Variants in WDR7 observed in about 807,000 individuals in gnomAD.
WDR7 encodes the protein WD repeat domain 7.
Under a neutral mutation model 169.4 loss-of-function variants are expected in WDR7, and 46 were observed. The ratio of observed to expected loss-of-function variants is 0.27; its 90% CI spans 0.21 to 0.35. The LOEUF is 0.35. Ranked by LOEUF, WDR7 falls within the 10% of genes least tolerant of loss-of-function variation. The pLI is 1.00. For synonymous variants in WDR7, 612 were observed against 666.8 expected, an observed-to-expected ratio of 0.92 and a Z score of 1.27; for missense variants, 1,534 against 1,859.3, an observed-to-expected ratio of 0.83 and a Z score of 3.22.
At chr18:57,024,879 GGC>G (rs2048343428) in intron 27 of WDR7, among the ~76,000 whole-genome samples, 5 of 104,120 alleles carry the variant, frequency 4.8e-5, no homozygotes, top group Non-Finnish European at 7.7e-5. Flanking sequence ...CCTATTCTCA[GGC>G]AGGAATAGGG....
chr18:56,744,759 G>A (rs1402513193), intron 14 of WDR7, among the ~76,000 whole-genome samples: 3 of 152,276 alleles, frequency 2.0e-5, no homozygotes, highest in Admixed American at 2.0e-4. Context: ...TTGCGTGGGA[G>A]GTTTCAAAGG....
chr18:56,979,738 G>A (rs897228323), intron 26 of WDR7, among the ~76,000 whole-genome samples: 1 of 151,868 alleles, frequency 6.6e-6, no homozygotes, highest in Non-Finnish European at 1.5e-5. Context: ...ACACACTATT[G>A]AAGTAATATA....
At chr18:56,907,409 C>T (rs140970084) in intron 21 of WDR7, among the ~76,000 whole-genome samples, 299 of 152,154 alleles carry the variant, frequency 2.0e-3, no homozygotes, top group African/African-American at 6.8e-3. Flanking sequence ...GAGGGAATGC[C>T]GGTTTTTGAG....
At chr18:56,750,139 A>G (rs2043767933) in intron 14 of WDR7, among the ~76,000 whole-genome samples, 1 of 151,950 alleles carries the variant, frequency 6.6e-6, no homozygotes. Flanking sequence ...TTTACCTGCT[A>G]CTCTTAACCT....
At chr18:56,660,580 G>T (rs1203046143) in intron 1 of WDR7, among the ~76,000 whole-genome samples, 1 of 151,882 alleles carries the variant, frequency 6.6e-6, no homozygotes, top group Non-Finnish European at 1.5e-5. Context: ...GAGGCTTGAT[G>T]AGATCATTGA....
intron 1 of WDR7, among the ~76,000 whole-genome samples, chr18:56,669,911 T>C (rs1298302610): frequency 4.6e-5 from 7 of 152,194 alleles, no homozygotes; most frequent in Non-Finnish European, 7.3e-5. Context: ...TATTAACTAA[T>C]ACATAGACTG....
chr18:56,926,971 T>C (rs148256641), intron 22 of WDR7, among the ~76,000 whole-genome samples: 516 of 152,338 alleles, frequency 3.4e-3, no homozygotes, highest in South Asian at 0.024. Flanking sequence ...CCTGATTTAC[T>C]GTGTACACAG....
At chr18:56,997,508 A>G (rs1252821078) in intron 26 of WDR7, among the ~76,000 whole-genome samples, 1 of 152,244 alleles carries the variant, frequency 6.6e-6, no homozygotes, top group African/African-American at 2.4e-5. Flanking sequence ...ATGCTGAATT[A>G]TCCAAAGGGT....
intron 16 of WDR7, among the ~76,000 whole-genome samples, chr18:56,763,935 G>A (rs2044021758): frequency 6.6e-6 from 1 of 151,968 alleles, no homozygotes; most frequent in African/African-American, 2.4e-5. Flanking sequence ...CATAATTTAT[G>A]TTTTTTCCCT....
chr18:56,726,533 C>G (rs1375211356), intron 13 of WDR7, among the ~76,000 whole-genome samples: 6 of 152,158 alleles, frequency 3.9e-5, no homozygotes, highest in Admixed American at 3.9e-4. Context: ...AGTTGCTTAT[C>G]AGCTTAAGGA....
At chr18:56,820,122 A>G (rs2145231504) in intron 20 of WDR7, among the ~76,000 whole-genome samples, 1 of 151,966 alleles carries the variant, frequency 6.6e-6, no homozygotes. Context: ...GTGAAGTGAT[A>G]CACCCTCTAA....
At chr18:56,998,894 C>A (rs536505691) in intron 26 of WDR7, among the ~76,000 whole-genome samples, 4 of 152,042 alleles carry the variant, frequency 2.6e-5, no homozygotes, top group South Asian at 2.1e-4. Context: ...AAATGGCAGG[C>A]CTTATTCTTG....
At chr18:56,800,947 G>C (rs1262245927) in intron 19 of WDR7, among the ~76,000 whole-genome samples, 2 of 152,030 alleles carry the variant, frequency 1.3e-5, no homozygotes, top group Admixed American at 1.3e-4. Context: ...ACTGCTTCTG[G>C]GTCCTGTGAG....
chr18:56,882,325 G>C (rs969824082), intron 21 of WDR7, among the ~76,000 whole-genome samples: 4 of 152,198 alleles, frequency 2.6e-5, no homozygotes, highest in African/African-American at 9.7e-5. Flanking sequence ...ATGATTTGGT[G>C]TGGTGGCTTT....
chr18:56,807,163 A>AT lies in WDR7; in HGVS notation c.3191-8868_3191-8867insT, dbSNP rs1195568617. ...GATCCTAGCCAAAAAAAAAAAAAAA[A>AT]AAAATTCATGAAGGATTTCAAAGGT... On this transcript the variant is annotated intron_variant, in intron 19 of 27. Coordinates refer to ENST00000254442, the MANE Select transcript of WDR7 (RefSeq NM_015285.3). 1.7e-3 allele frequency among the ~76,000 whole-genome samples: 252 copies of AT among 152,122 alleles called. 3 individuals carry two copies. Among genetic ancestry groups the AT allele is most frequent in the Admixed American group, 3.1e-3 (48 of 15,248 alleles).
At chr18:56,928,347 C>T (rs915431541) in intron 22 of WDR7, among the ~76,000 whole-genome samples, 3 of 152,066 alleles carry the variant, frequency 2.0e-5, no homozygotes, top group Non-Finnish European at 4.4e-5. Flanking sequence ...TACCTGTAGT[C>T]CCAGCTACCA....
At position 57,000,384 on chromosome 18, in the gene WDR7, G is replaced by A. The variant is rs568428506; in HGVS notation, c.4165-20361G>A. 8.5e-4 allele frequency among the ~76,000 whole-genome samples: 129 copies of A among 152,164 alleles called. 1 individual carries two copies. Among genetic ancestry groups the A allele is most frequent in the South Asian group, 7.5e-3 (36 of 4,820 alleles). ...AATAAAAAAGGTGTCAATTAAGCAC[G>A]ATATAAAAATATTGATTTTTTTCTG... On this transcript the variant is annotated intron_variant, in intron 26 of 27. Transcript: ENST00000254442.
At chr18:56,872,476 A>G (rs1175865652) in intron 20 of WDR7, among the ~76,000 whole-genome samples, 2 of 152,150 alleles carry the variant, frequency 1.3e-5, no homozygotes, top group Non-Finnish European at 1.5e-5. Flanking sequence ...TCTAGAGTCA[A>G]TTATGCTAAA....
At chr18:56,722,578 T>C (rs554994244) in intron 13 of WDR7, among the ~76,000 whole-genome samples, 3 of 152,220 alleles carry the variant, frequency 2.0e-5, no homozygotes, top group Non-Finnish European at 4.4e-5. Flanking sequence ...GGTAATTGAC[T>C]ATAACCTTGG....
Sources: allele counts gnomAD v4.1 joint callset (sites outside exome capture counted in the v4.1 genomes callset), GRCh38; gene constraint gnomAD v4.1.1; transcripts MANE v1.5; gene names NCBI Gene and HGNC (gene_info 2026-07-23, HGNC 2026-07-21).